ZNF438: variants seen among roughly 807,000 people sequenced by gnomAD.
ZNF438 encodes the protein zinc finger protein 438.
A neutral mutation model predicts 38.0 loss-of-function variants in ZNF438; 25 were observed. The ratio of observed to expected loss-of-function variants is 0.66; its 90% CI spans 0.48 to 0.92. ZNF438 has a LOEUF of 0.92. Among genes scored for constraint, ZNF438 ranks in the 40% least tolerant of loss-of-function variants. The pLI is 0.00. For synonymous variants in ZNF438, 372 were observed against 364.1 expected, an observed-to-expected ratio of 1.02 and a Z score of -0.25; for missense variants, 1,007 against 999.6, an observed-to-expected ratio of 1.01 and a Z score of -0.10.
chr10:30,916,773 T>C (rs747104000), intron 2 of ZNF438, among the ~76,000 whole-genome samples: 39 of 152,116 alleles, frequency 2.6e-4, no homozygotes, highest in Non-Finnish European at 7.4e-5. Context: ...ATATTATGTA[T>C]TTCTCTATGT....
intron 3 of ZNF438, among the ~76,000 whole-genome samples, chr10:30,897,892 A>C (rs2041542999): frequency 6.6e-6 from 1 of 152,216 alleles, no homozygotes; most frequent in South Asian, 2.1e-4. Flanking sequence ...TCCAGACTGC[A>C]TCCTCTAACA....
chr10:30,857,676 T>G (rs371304905), intron 4 of ZNF438: 88 of 1,510,796 alleles, frequency 5.8e-5, no homozygotes, highest in Non-Finnish European at 7.7e-5. Context: ...AATTTGCCAC[T>G]TACTATCCAT....
chr10:30,952,172 T>C (rs1232497909), intron 1 of ZNF438, among the ~76,000 whole-genome samples: 2 of 151,448 alleles, frequency 1.3e-5, no homozygotes, highest in African/African-American at 4.9e-5. Context: ...ATTTAATAAA[T>C]GGTGCTGGGA....
intron 1 of ZNF438, among the ~76,000 whole-genome samples, chr10:30,990,277 T>C (rs1160314021): frequency 2.6e-5 from 4 of 152,136 alleles, no homozygotes; most frequent in African/African-American, 4.8e-5. Context: ...TATAAAAATA[T>C]TCCAATGAAT....
chr10:30,845,527 C>T, exon 6 of ZNF438: 5 of 1,613,972 alleles, frequency 3.1e-6, no homozygotes, highest in Non-Finnish European at 4.2e-6. Flanking sequence ...TTGACTTCGT[C>T]TGCCTGGTTT....
At chr10:30,906,084 T>C (rs1276240198) in intron 3 of ZNF438, among the ~76,000 whole-genome samples, 1 of 152,232 alleles carries the variant, frequency 6.6e-6, no homozygotes, top group Non-Finnish European at 1.5e-5. Flanking sequence ...GGTCAGCTTG[T>C]CAATTTCTAC....
intron 2 of ZNF438, among the ~76,000 whole-genome samples, chr10:30,932,375 A>G (rs1258793184): frequency 1.3e-5 from 2 of 152,216 alleles, no homozygotes; most frequent in Non-Finnish European, 2.9e-5. Flanking sequence ...TAAATTACAT[A>G]TGAATAAGAG....
At chr10:30,923,568 T>A (rs1036092040) in intron 2 of ZNF438, among the ~76,000 whole-genome samples, 1 of 152,238 alleles carries the variant, frequency 6.6e-6, no homozygotes, top group African/African-American at 2.4e-5. Flanking sequence ...TGAAAGCTGT[T>A]ACGCGCACCC....
chr10:31,010,847 T>C (rs2055604881), intron 1 of ZNF438, among the ~76,000 whole-genome samples: 1 of 135,224 alleles, frequency 7.4e-6, no homozygotes, highest in African/African-American at 3.0e-5. Context: ...GAGCTATTAT[T>C]ACACCACTGC....
chr10:30,929,282 G>A (rs904164210), intron 2 of ZNF438, among the ~76,000 whole-genome samples: 10 of 152,272 alleles, frequency 6.6e-5, no homozygotes, highest in East Asian at 1.9e-4. Context: ...CTTACAGGTC[G>A]TGTGTTCGGA....
At chr10:30,866,102 A>G (rs61681218) in intron 4 of ZNF438, among the ~76,000 whole-genome samples, 2,651 of 152,258 alleles carry the variant, frequency 0.017, 88 homozygotes, top group African/African-American at 0.061. Context: ...GAACAACAAA[A>G]AAGCAGTACA....
chr10:30,965,326 A>T (rs1225929209), intron 1 of ZNF438, among the ~76,000 whole-genome samples: 2 of 152,170 alleles, frequency 1.3e-5, no homozygotes, highest in African/African-American at 4.8e-5. Flanking sequence ...ATTCTTATAC[A>T]CTGCTGGTGG....
At chr10:30,997,084 T>C (rs2054128877) in intron 1 of ZNF438, among the ~76,000 whole-genome samples, 1 of 152,100 alleles carries the variant, frequency 6.6e-6, no homozygotes, top group Admixed American at 6.5e-5. Flanking sequence ...AATGCCTATA[T>C]TAAAAAAGAA....
chr10:30,918,120 T>A (rs1489531816), intron 2 of ZNF438, among the ~76,000 whole-genome samples: 1 of 152,188 alleles, frequency 6.6e-6, no homozygotes. Flanking sequence ...AATGGGTCTA[T>A]GGCCTCTGTT....
At chr10:30,856,019 A>T (rs986097897) in intron 4 of ZNF438, among the ~76,000 whole-genome samples, 1 of 152,194 alleles carries the variant, frequency 6.6e-6, no homozygotes, top group Non-Finnish European at 1.5e-5. Flanking sequence ...AGGAAAACGA[A>T]AGTTTCCCTA....
At chr10:30,986,691 A>C (rs769922811) in intron 1 of ZNF438, among the ~76,000 whole-genome samples, 4 of 152,166 alleles carry the variant, frequency 2.6e-5, no homozygotes, top group Non-Finnish European at 5.9e-5. Context: ...GAGTATCCCT[A>C]ATCCAAAAAT....
chr10:30,929,394 T>C (rs985420930), intron 2 of ZNF438, among the ~76,000 whole-genome samples: 1 of 152,188 alleles, frequency 6.6e-6, no homozygotes, highest in African/African-American at 2.4e-5. Flanking sequence ...CAGTGAGTGT[T>C]ACAGCTCTTA....
At chr10:30,925,207 G>A (rs2044775294) in intron 2 of ZNF438, among the ~76,000 whole-genome samples, 1 of 143,460 alleles carries the variant, frequency 7.0e-6, no homozygotes, top group Non-Finnish European at 1.5e-5. Flanking sequence ...CCCCGACCCT[G>A]ACTTACTCTG....
At chr10:30,982,082 C>T (rs910819401) in intron 1 of ZNF438, among the ~76,000 whole-genome samples, 6 of 144,256 alleles carry the variant, frequency 4.2e-5, no homozygotes, top group African/African-American at 1.6e-4. Context: ...CCTGAGAAAA[C>T]CATCCTTTTT....
Sources: gnomAD v4.1 joint callset for allele counts (sites outside exome capture counted in the v4.1 genomes callset) on GRCh38, gnomAD v4.1.1 for gene constraint, MANE v1.5 for transcripts, NCBI Gene and HGNC (gene_info 2026-07-23, HGNC 2026-07-21) for gene names.